PFKM: variants seen among roughly 807,000 people sequenced by gnomAD.
The protein encoded by PFKM is phosphofructokinase, muscle.
A neutral mutation model predicts 95.5 loss-of-function variants in PFKM; 58 were observed. The observed-to-expected ratio is 0.61, with a 90% confidence interval of 0.49 to 0.76. PFKM has a LOEUF of 0.76. Ranked by LOEUF, PFKM falls within the 30% of genes least tolerant of loss-of-function variation. The pLI is 0.00. For synonymous variants in PFKM, 336 were observed against 357.2 expected (o/e 0.94, Z 0.67); for missense variants, 678 against 1,005.4 (o/e 0.67, Z 4.40).
chr12:48,139,267 G>A lies in PFKM; in HGVS notation c.1063-18G>A, dbSNP rs531023136. 28 of 1,607,988 alleles carry A rather than the reference G, an allele frequency of 1.7e-5. No homozygotes were observed. The highest frequency in any genetic ancestry group is 1.2e-4 in the African/African-American group (9 of 74,898). On this transcript the variant is annotated intron_variant, in intron 11 of 22. Coordinates refer to ENST00000359794, the MANE Select transcript of PFKM (RefSeq NM_000289.6). ...TCCTGACCCTGGAGTTGAAACTGTC[G>A]CTGTGCTCCCCCCTCAGACCAAAGA...
At chr12:48,125,525 G>A (rs60432008) in intron 2 of PFKM, 2,994 of 288,884 alleles carry the variant, frequency 0.01, 106 homozygotes, top group African/African-American at 0.064. Flanking sequence ...GGAGGCTGAG[G>A]CAGGAGAATC....
intron 3 of PFKM, among the ~76,000 whole-genome samples, chr12:48,131,088 T>C (rs1359486894): frequency 6.6e-6 from 1 of 152,204 alleles, no homozygotes; most frequent in East Asian, 1.9e-4. Flanking sequence ...AGGAAGGATA[T>C]CCACATCCCA....
chr12:48,133,990 C>T (rs531755150), intron 6 of PFKM, among the ~76,000 whole-genome samples: 10 of 152,262 alleles, frequency 6.6e-5, no homozygotes, highest in South Asian at 4.2e-4. Flanking sequence ...TTCCCTGACC[C>T]GGTTCCTCCC....
intron 2 of PFKM, among the ~76,000 whole-genome samples, chr12:48,129,952 C>T (rs1374578885): frequency 6.6e-6 from 1 of 152,182 alleles, no homozygotes; most frequent in Non-Finnish European, 1.5e-5. Flanking sequence ...GTTTCAGTTT[C>T]CAAATCTTTA....
intron 1 of PFKM, chr12:48,107,216 T>G (rs1016709800): frequency 7.9e-5 from 47 of 593,322 alleles, no homozygotes; most frequent in Non-Finnish European, 1.2e-4. Flanking sequence ...CAAAGTAGAT[T>G]ATTTGTATTG....
rs1950217298 is a variant in PFKM at position 48,137,639 on chromosome 12, G to A, written c.937-82G>A. On this transcript the variant is annotated intron_variant, in intron 10 of 22. Coordinates refer to ENST00000359794, the MANE Select transcript of PFKM (RefSeq NM_000289.6). Reference sequence around the variant, plus strand: ...GACTCAGTCTTGTGATTTGGAAAAGGGCTCGAGTATCCTGACTCTCTAGGC... The same window carrying A: ...GACTCAGTCTTGTGATTTGGAAAAGAGCTCGAGTATCCTGACTCTCTAGGC... The A allele has an allele frequency of 1.4e-5, 22 of 1,547,692 alleles. No homozygotes were observed. In the South Asian group the frequency reaches 2.3e-4, roughly 17 times the overall value.
In PFKM at chr12:48,132,914, G is replaced by T. The variant is rs749015654; in HGVS notation, c.284G>T (p.Arg95Leu). 2.5e-6 allele frequency: 4 copies of T among 1,614,150 alleles called. No individual in the cohort carries two copies. Among genetic ancestry groups the T allele is most frequent in the African/African-American group, 2.7e-5 (2 of 75,046 alleles). The change falls in exon 5 of 23, where the codon CGA (arginine) becomes CTA (leucine). Residue 95 changes from arginine to leucine, a missense_variant. Transcript: ENST00000359794. The part of the protein sequence containing the change: ...GSARCKDFRE[R>L]EGRLRAAYNL... ...GCCCGGTGCAAGGACTTTCGGGAAC[G>T]AGAAGGACGACTCCGAGCTGCCTAC...
At chr12:48,109,735 C>T (rs1947021739) in intron 3 of PFKM, among the ~76,000 whole-genome samples, 1 of 152,162 alleles carries the variant, frequency 6.6e-6, no homozygotes, top group Admixed American at 6.5e-5. Context: ...ACCCTTTCAG[C>T]TTTCCTACTA....
At chr12:48,139,251 T>A (rs1244926072) in intron 11 of PFKM, 34 bp from the exon 12 acceptor site, 1 of 1,565,864 alleles carries the variant, frequency 6.4e-7, no homozygotes, top group Non-Finnish European at 8.8e-7. Context: ...ATCCTGACCC[T>A]GGAGTTGAAA....
Position 48,134,598 on chromosome 12 carries a change from C to T in PFKM, c.639-123C>T, listed in dbSNP as rs1465090314. ...CCCCGGTGCTCTTACCCTTGCCCCA[C>T]GAATAAAATGGAGGCTCTCCAGACC... On this transcript the variant is annotated intron_variant, in intron 7 of 22. Transcript: ENST00000359794. The T allele has an allele frequency of 2.5e-5, 20 of 804,924 alleles. No individual in the cohort carries two copies. In the East Asian group the frequency reaches 3.2e-4, roughly 13 times the overall value. 49.9% of individuals were successfully genotyped at this position (804,924 alleles called of 1,614,324 possible).
chr12:48,120,382 T>C (rs1052216397), intron 1 of PFKM, among the ~76,000 whole-genome samples: 13 of 152,180 alleles, frequency 8.5e-5, no homozygotes, highest in Non-Finnish European at 1.5e-4. Flanking sequence ...CAACAAGTAT[T>C]TATTGGGGTC....
At chr12:48,106,709 A>AAC (rs938344108) in intron 1 of PFKM, among the ~76,000 whole-genome samples, 3 of 149,962 alleles carry the variant, frequency 2.0e-5, no homozygotes, top group African/African-American at 7.5e-5. Flanking sequence ...TCAGCAAGCA[A>AAC]ACAAACAAAC....
At chr12:48,132,231 G>A (rs1210415575) in intron 4 of PFKM, 1 of 354,164 alleles carries the variant, frequency 2.8e-6, no homozygotes, top group Non-Finnish European at 5.5e-6. Flanking sequence ...CTTTCTCTCA[G>A]GGATAGAAAG....
intron 2 of PFKM, 96 bp downstream of exon 2, chr12:48,122,955 C>A: frequency 7.8e-7 from 1 of 1,285,240 alleles, no homozygotes; most frequent in Non-Finnish European, 1.1e-6. Flanking sequence ...TGTAGGTTCA[C>A]GGGAATTTTG....
At position 48,140,820 on chromosome 12, in the gene PFKM, C is replaced by G; in HGVS notation, c.1290C>G (p.Gly430=). ...CTGTGAGGATTGGCCTTATCCAGGG[C>G]AACCGAGTGCTCGTTGTCCATGATG... ...RSTVRIGLIQ[G]NRVLVVHDGF... Residue 430 remains glycine, a synonymous_variant, in exon 14 of 23, where the codon GGC becomes GGG. Transcript: ENST00000359794. 6.2e-7 allele frequency: 1 copy of G among 1,614,202 alleles called. No homozygotes were observed. Among genetic ancestry groups the G allele is most frequent in the African/African-American group, 1.3e-5 (1 of 75,066 alleles).
chr12:48,134,317 C>A, intron 7 of PFKM, 41 bp downstream of exon 7: 1 of 1,550,124 alleles, frequency 6.5e-7, no homozygotes, highest in Non-Finnish European at 8.9e-7. Flanking sequence ...GTGGACCTAG[C>A]GATAGCCCTT....
chr12:48,137,879 C>G (rs752549447), intron 11 of PFKM, 33 bp downstream of exon 11: 1 of 1,612,928 alleles, frequency 6.2e-7, no homozygotes, highest in Admixed American at 1.7e-5. Context: ...TTTCTTAACA[C>G]TCTCAAGCCC....
chr12:48,140,032 C>A (rs945997461), intron 13 of PFKM, 120 bp downstream of exon 13: 4 of 712,232 alleles, frequency 5.6e-6, no homozygotes, highest in Non-Finnish European at 5.1e-6. Flanking sequence ...CCACTCTGAT[C>A]TTCAGTGCTG....
chr12:48,130,252 A>G (rs1333375517), intron 2 of PFKM, 111 bp from the exon 3 acceptor site: 9 of 800,930 alleles, frequency 1.1e-5, no homozygotes, highest in Non-Finnish European at 2.1e-5. Context: ...CAGAGAAAAG[A>G]CTAAATAAAG....
Sources: gnomAD v4.1 joint callset for allele counts (sites outside exome capture counted in the v4.1 genomes callset) on GRCh38, gnomAD v4.1.1 for gene constraint, MANE v1.5 for transcripts, NCBI Gene and HGNC (gene_info 2026-07-23, HGNC 2026-07-21) for gene names.